The following LBHD1 variants were observed in gnomAD, a reference collection of about 807,000 sequenced individuals.
The protein encoded by LBHD1 is LBH domain containing 1, also known as LBH domain-containing protein 1.
A neutral mutation model predicts 31.1 loss-of-function variants in LBHD1; 28 were observed. The observed-to-expected ratio is 0.90, with a 90% CI of 0.67 to 1.24. The LOEUF (loss-of-function observed/expected upper bound fraction) is 1.24, where lower values mean the gene tolerates loss of function less well. Among genes scored for constraint, LBHD1 ranks in the 50% most tolerant of loss-of-function variants. LBHD1 has a pLI of 0.00. For missense variants in LBHD1, 350 were observed against 323.0 expected (o/e 1.08, Z -0.64); for synonymous variants, 105 against 116.5 (o/e 0.90, Z 0.63).
At position 62,667,724 on chromosome 11, in the gene LBHD1, G is replaced by GA; in HGVS notation, c.336_337insT (p.Pro113SerfsTer2). On this transcript the variant is annotated frameshift_variant, in exon 4 of 7. Transcript: ENST00000354588. LOFTEE classifies it high-confidence loss of function. ...TTAAATGTTCTTAAAGGACTTCTAG[G>GA]GTCCTGTGGGCTCCAAGCCCAGCCT... The GA allele has an allele frequency of 6.2e-7, 1 of 1,609,408 alleles. No individual in the cohort carries two copies.
At chr11:62,666,284 T>C (rs1565127113) in intron 4 of LBHD1, 3 of 1,114,094 alleles carry the variant, frequency 2.7e-6, no homozygotes, top group East Asian at 2.5e-5. Flanking sequence ...TACTCAACCC[T>C]GGGTCACAGA....
Position 62,664,906 on chromosome 11 carries a change from A to ACCCGGTGCCTCAGACGCCGCT in LBHD1, c.585_605dup (p.Ala196_Gly202dup). 1 of 1,597,478 alleles carries ACCCGGTGCCTCAGACGCCGCT rather than the reference A, an allele frequency of 6.3e-7. No homozygotes were observed. The highest frequency in any genetic ancestry group is 8.5e-7 in the Non-Finnish European group (1 of 1,172,532). ...CCCTTGGTCTATCACAGCCCCGACC[A>ACCCGGTGCCTCAGACGCCGCT]CCCGGTGCCTCAGACGCCGCTCCCG... On this transcript the variant is annotated inframe_insertion, in exon 5 of 7. Coordinates refer to ENST00000354588, the MANE Select transcript of LBHD1 (RefSeq NM_024099.5).
intron 4 of LBHD1, 33 bp from the exon 5 acceptor site, chr11:62,665,006 T>A (rs1269301186): frequency 6.2e-7 from 1 of 1,604,430 alleles, no homozygotes; most frequent in Admixed American, 1.7e-5. Context: ...TCAGATGGAG[T>A]GGGCTCGCCG....
intron 4 of LBHD1, chr11:62,666,669 C>T: frequency 1.2e-6 from 2 of 1,614,096 alleles, no homozygotes; most frequent in East Asian, 4.5e-5. Flanking sequence ...GTGGCTGTGG[C>T]CCACATGAAT....
In LBHD1 at chr11:62,663,294, C is replaced by T. The variant is rs144393003; in HGVS notation, c.703G>A (p.Ala235Thr). 9 of 1,614,094 alleles carry T rather than the reference C, an allele frequency of 5.6e-6. No individual in the cohort carries two copies. The African/African-American group carries it at 9.3e-5, about 17-fold the overall frequency. The change falls in exon 6 of 7, where the codon GCG (alanine) becomes ACG (threonine). Residue 235 changes from alanine (A) to threonine (T), a missense_variant. By Grantham distance (58) the Ala-to-Thr change is moderately conservative. Coordinates refer to ENST00000354588, the MANE Select transcript of LBHD1 (RefSeq NM_024099.5). ...TCQHYTVREE[A>T]QKTPPADPAC... is the part of the protein sequence containing the mutation. ...GGATCTGCTGGAGGAGTTTTCTGCG[C>T]TTCTTCCCTGACAGTGTAATGTTGG...
At chr11:62,664,456 G>A (rs1484230477) in intron 5 of LBHD1, among the ~76,000 whole-genome samples, 3 of 149,184 alleles carry the variant, frequency 2.0e-5, no homozygotes, top group African/African-American at 7.4e-5. Flanking sequence ...TCAGCCTCCC[G>A]TGTAGCTGGG....
At chr11:62,667,458 A>T (rs752236081) in intron 4 of LBHD1, 65 bp downstream of exon 4, 1 of 1,513,866 alleles carries the variant, frequency 6.6e-7, no homozygotes, top group Non-Finnish European at 9.2e-7. Context: ...AGATTGTAAG[A>T]GGATGGGTAT....
In LBHD1 at chr11:62,665,580, GAGA is replaced by G. The variant is rs766791486; in HGVS notation, c.539-610_539-608del. The G allele has an allele frequency of 3.4e-4, 538 of 1,570,912 alleles. 2 individuals carry two copies. The highest frequency in any genetic ancestry group is 3.8e-4 in the Non-Finnish European group (445 of 1,163,972). Reference sequence around the variant, plus strand: ...AAACGCCGGGACACCGGGAATCTCGGAGAAGGACAACCGAGATCCAGCTGGCTC... The same window carrying G: ...AAACGCCGGGACACCGGGAATCTCGGAGGACAACCGAGATCCAGCTGGCTC... On this transcript the variant is annotated intron_variant, in intron 4 of 6. Transcript: ENST00000354588.
intron 4 of LBHD1, chr11:62,666,968 T>TA: frequency 6.2e-7 from 1 of 1,614,174 alleles, no homozygotes; most frequent in Non-Finnish European, 8.5e-7. Context: ...ACAAGGGTCC[T>TA]ATGGCTGGAC....
At chr11:62,668,670 G>A (rs916669383) in intron 3 of LBHD1, among the ~76,000 whole-genome samples, 3 of 151,276 alleles carry the variant, frequency 2.0e-5, no homozygotes, top group Non-Finnish European at 2.9e-5. Flanking sequence ...GGGCGTGGTG[G>A]CGGGTGCCTG....
intron 4 of LBHD1, chr11:62,667,258 A>G: frequency 1.6e-6 from 1 of 642,000 alleles, no homozygotes; most frequent in Non-Finnish European, 2.7e-6. Flanking sequence ...GATTACATAC[A>G]ATGATGTGCG....
At chr11:62,671,489 A>C in intron 1 of LBHD1, 75 bp downstream of exon 1, 1 of 1,361,362 alleles carries the variant, frequency 7.3e-7, no homozygotes, top group Non-Finnish European at 9.5e-7. Flanking sequence ...CCACCCCGGA[A>C]TTGAGGACAC....
At position 62,664,991 on chromosome 11, in the gene LBHD1, G is replaced by A. The variant is rs376422312; in HGVS notation, c.539-18C>T. The A allele has an allele frequency of 1.8e-4, 296 of 1,608,308 alleles. No individual in the cohort carries two copies. Among genetic ancestry groups the A allele is most frequent in the Non-Finnish European group, 2.3e-4 (274 of 1,179,802 alleles). ...TTCAGCTCCTGCCGGGGAGAAAGAT[G>A]CGAATCAGATGGAGTGGGCTCGCCG... On this transcript the variant is annotated intron_variant, in intron 4 of 6. Transcript: ENST00000354588.
At chr11:62,665,571 GGAATCTCGGA>G in intron 4 of LBHD1, 1 of 1,568,538 alleles carries the variant, frequency 6.4e-7, no homozygotes, top group Non-Finnish European at 8.6e-7. Context: ...CGGGACACCG[GGAATCTCGGA>G]GAAGGACAAC....
At chr11:62,664,706 C>CT in intron 5 of LBHD1, 143 bp downstream of exon 5, 1 of 1,117,218 alleles carries the variant, frequency 9.0e-7, no homozygotes, top group Non-Finnish European at 1.3e-6. Context: ...GCTATCAGAG[C>CT]TTAGGAACTA....
At position 62,669,882 on chromosome 11, in the gene LBHD1, C is replaced by A; in HGVS notation, c.150G>T (p.Gln50His). 1.2e-6 allele frequency: 2 copies of A among 1,614,250 alleles called. No individual in the cohort carries two copies. The highest frequency in any genetic ancestry group is 8.5e-7 in the Non-Finnish European group (1 of 1,180,040). ...IGKVEGHQHIQDFSQKSHLPS... is the reference protein window; with the variant it reads ...IGKVEGHQHIHDFSQKSHLPS... The stretch of plus-strand genomic sequence containing the variant: ...AGACACAGGCTGAGGAAGTACTAAC[C>A]TGAATGTGCTGGTGACCTTCAACCT... Residue 50 changes from glutamine to histidine, a missense_variant and splice_region_variant, in exon 2 of 7, where the codon CAG (glutamine) becomes CAT (histidine). Transcript: ENST00000354588.
rs771512653 is a variant in LBHD1 at position 62,669,735 on chromosome 11, C to T, written c.219G>A (p.Gly73=). 3 of 1,614,038 alleles carry T rather than the reference C, an allele frequency of 1.9e-6. No homozygotes were observed. Among genetic ancestry groups the T allele is most frequent in the South Asian group, 1.1e-5 (1 of 91,080 alleles). ...VESSEVNEES[G]DLHLPHEELL... is the part of the protein sequence containing the mutation. ...GCTCCTCATGGGGCAAATGGAGATCCCCACTCTCTTCATTCACCTCACTGG... is the reference window on the plus strand; with the variant it reads ...GCTCCTCATGGGGCAAATGGAGATCTCCACTCTCTTCATTCACCTCACTGG... The change falls in exon 3 of 7, where the codon GGG becomes GGA. Residue 73 remains glycine (G), a synonymous_variant. Transcript: ENST00000354588.
At chr11:62,667,830 C>T in intron 3 of LBHD1, 83 bp from the exon 4 acceptor site, 1 of 985,368 alleles carries the variant, frequency 1.0e-6, no homozygotes, top group Middle Eastern at 3.2e-4. Flanking sequence ...CTGGCTCATA[C>T]CTATAATCAC....
At chr11:62,667,199 G>C in intron 4 of LBHD1, 2 of 810,996 alleles carry the variant, frequency 2.5e-6, no homozygotes, top group South Asian at 3.6e-5. Context: ...GAATGTTTCT[G>C]TTCCCCAGTT....
Sources: gnomAD v4.1 joint callset for allele counts (sites outside exome capture counted in the v4.1 genomes callset) on GRCh38, gnomAD v4.1.1 for gene constraint, MANE v1.5 for transcripts, NCBI Gene and HGNC (gene_info 2026-07-23, HGNC 2026-07-21) for gene names.